The following TMEM163 variants were observed in gnomAD, a reference collection of about 807,000 sequenced individuals.
TMEM163 encodes the protein transmembrane protein 163.
A neutral mutation model predicts 29.3 loss-of-function variants in TMEM163; 17 were observed. The observed-to-expected ratio is 0.58, with a 90% CI of 0.40 to 0.87. TMEM163 has a LOEUF of 0.87. Among genes scored for constraint, TMEM163 ranks in the 40% least tolerant of loss-of-function variants. The pLI is 0.00. For synonymous variants in TMEM163, 157 were observed against 160.6 expected (o/e 0.98, Z 0.17); for missense variants, 303 against 381.5 (o/e 0.79, Z 1.71).
Position 134,460,106 on chromosome 2 carries a change from G to T in TMEM163, c.668-1933C>A, listed in dbSNP as rs1044081816. 1.4e-5 allele frequency among the ~76,000 whole-genome samples: 1 copy of T among 71,844 alleles called. No individual in the cohort carries two copies. The highest frequency in any genetic ancestry group is 2.5e-5 in the Non-Finnish European group (1 of 40,360). 47.1% of individuals were successfully genotyped at this position (71,844 alleles called of 152,430 possible). ...CCCCAAATTCATTCTCACTCTCCCC[G>T]CTGATCCCTGCTCTGTCCTGGCCAC... On this transcript the variant is annotated intron_variant, in intron 6 of 7. Coordinates refer to ENST00000281924, the MANE Select transcript of TMEM163 (RefSeq NM_030923.5). The surrounding 1 kb of genome is among the most constrained non-coding windows in gnomAD (Gnocchi z 4.3).
intron 2 of TMEM163, among the ~76,000 whole-genome samples, chr2:134,707,139 G>A (rs1684832456): frequency 6.6e-6 from 1 of 152,192 alleles, no homozygotes; most frequent in South Asian, 2.1e-4. Flanking sequence ...CTGCACCATT[G>A]CCTGCTTCAG....
chr2:134,499,508 G>A (rs72982258), intron 5 of TMEM163, among the ~76,000 whole-genome samples: 5,155 of 152,294 alleles, frequency 0.034, 166 homozygotes, highest in Middle Eastern at 0.085. Flanking sequence ...CAGTTCCCCA[G>A]AGAGCCAGCT....
chr2:134,551,629 C>T (rs1342196326), intron 3 of TMEM163, among the ~76,000 whole-genome samples: 1 of 152,154 alleles, frequency 6.6e-6, no homozygotes, highest in African/African-American at 2.4e-5. Context: ...ATCAGGAGGC[C>T]AGCTGGGAAG....
intron 4 of TMEM163, among the ~76,000 whole-genome samples, chr2:134,535,912 A>T (rs1483510035): frequency 1.3e-5 from 2 of 151,994 alleles, no homozygotes; most frequent in Non-Finnish European, 1.5e-5. Context: ...TAGTAGAGAC[A>T]GGGTTTCGCC....
intron 2 of TMEM163, among the ~76,000 whole-genome samples, chr2:134,683,821 A>G (rs1037342869): frequency 3.9e-5 from 6 of 151,982 alleles, no homozygotes; most frequent in Non-Finnish European, 8.8e-5. Flanking sequence ...TCATTTCTGC[A>G]ATTCCCTGAA....
intron 2 of TMEM163, among the ~76,000 whole-genome samples, chr2:134,625,875 T>A (rs1345279694): frequency 1.3e-5 from 2 of 152,206 alleles, no homozygotes; most frequent in Non-Finnish European, 2.9e-5. Flanking sequence ...TGTGATACCC[T>A]GTCTCCCCAA....
intron 5 of TMEM163, among the ~76,000 whole-genome samples, chr2:134,487,148 A>G (rs1376190669): frequency 6.6e-6 from 1 of 152,180 alleles, no homozygotes; most frequent in African/African-American, 2.4e-5. Flanking sequence ...GCTAATAAGA[A>G]ACAAAAAAGG....
At chr2:134,522,597 C>T (rs1680211598) in intron 4 of TMEM163, among the ~76,000 whole-genome samples, 2 of 152,224 alleles carry the variant, frequency 1.3e-5, no homozygotes, top group African/African-American at 4.8e-5. Flanking sequence ...TTAGAGGCCA[C>T]AGATCCCATA....
chr2:134,696,418 T>G (rs1023186082), intron 2 of TMEM163, among the ~76,000 whole-genome samples: 2 of 152,202 alleles, frequency 1.3e-5, no homozygotes, highest in African/African-American at 4.8e-5. Context: ...ATTTCAGAGC[T>G]TACCAACTGC....
intron 6 of TMEM163, among the ~76,000 whole-genome samples, chr2:134,465,734 G>A (rs947317487): frequency 9.9e-5 from 15 of 152,148 alleles, no homozygotes; most frequent in Non-Finnish European, 2.1e-4. Flanking sequence ...AAACAAGCAT[G>A]GAGAATTCAC....
At chr2:134,493,002 T>C (rs1679462640) in intron 5 of TMEM163, among the ~76,000 whole-genome samples, 2 of 152,222 alleles carry the variant, frequency 1.3e-5, no homozygotes, top group African/African-American at 4.8e-5. Flanking sequence ...ACACAAATTT[T>C]GGTTTTGGGG....
In TMEM163 at chr2:134,514,914, T is replaced by C. The variant is rs538715242; in HGVS notation, c.459-11917A>G. 2.7e-3 allele frequency among the ~76,000 whole-genome samples: 416 copies of C among 152,266 alleles called. 3 individuals carry two copies. The highest frequency in any genetic ancestry group is 0.017 in the Middle Eastern group (5 of 294). On this transcript the variant is annotated intron_variant, in intron 4 of 7. Coordinates refer to ENST00000281924, the MANE Select transcript of TMEM163 (RefSeq NM_030923.5). Reference sequence around the variant, plus strand: ...GGAGCTATTCCTTCTGCCTAAAACCTGGAATGAGATCTCATGTGGAAAAGG... The same window carrying C: ...GGAGCTATTCCTTCTGCCTAAAACCCGGAATGAGATCTCATGTGGAAAAGG...
rs1319130397 is a variant in TMEM163, at chr2:134,650,004, T to TAAA, written c.322+63193_322+63195dup. On this transcript the variant is annotated intron_variant, in intron 2 of 7. Transcript: ENST00000281924. ...TGGGCAACAGAGTGAGACCCTGTCT[T>TAAA]AAAAAAAAAAAAAAAAAAAAAGAAT... 5.2e-3 allele frequency among the ~76,000 whole-genome samples: 505 copies of TAAA among 97,532 alleles called. 5 individuals carry two copies. The highest frequency in any genetic ancestry group is 0.032 in the South Asian group (90 of 2,812). 64.0% of individuals were successfully genotyped at this position (97,532 alleles called of 152,430 possible). A position where few individuals can be genotyped will look rare whatever the true frequency, so the allele number is the denominator to read the frequency against.
chr2:134,458,843 T>C (rs1558908969), intron 6 of TMEM163: 1 of 152,218 alleles, frequency 6.6e-6, no homozygotes. Context: ...GCTAAGTTTT[T>C]TGCAAAGTAT....
chr2:134,634,847 T>G (rs1683069433), intron 2 of TMEM163, among the ~76,000 whole-genome samples: 1 of 152,272 alleles, frequency 6.6e-6, no homozygotes, highest in Admixed American at 6.5e-5. Context: ...TGCTAACCTC[T>G]GCAATAAAAG....
In TMEM163 at chr2:134,665,032, C is replaced by T. The variant is rs1335615290; in HGVS notation, c.322+48168G>A. ...GGGACTACAGGAGTGCACCACCATG[C>T]CCAGCCTAAATTGGTGTTTTAAGCC... On this transcript the variant is annotated intron_variant, in intron 2 of 7. Transcript: ENST00000281924. Among the ~76,000 whole-genome samples the T allele has an allele frequency of 2.6e-5, 4 of 152,070 alleles. No individual in the cohort carries two copies. The East Asian group carries it at 7.7e-4, about 29-fold the overall frequency.
intron 2 of TMEM163, among the ~76,000 whole-genome samples, chr2:134,663,929 G>A (rs1032057577): frequency 7.2e-5 from 11 of 152,202 alleles, no homozygotes; most frequent in East Asian, 1.9e-4. Context: ...TCTGGCAGGT[G>A]AGCACCCAAC....
intron 2 of TMEM163, among the ~76,000 whole-genome samples, chr2:134,678,300 G>A (rs1684158333): frequency 6.6e-6 from 1 of 152,192 alleles, no homozygotes; most frequent in African/African-American, 2.4e-5. Context: ...GTAAATCCAG[G>A]CAGATGGCTG....
intron 2 of TMEM163, among the ~76,000 whole-genome samples, chr2:134,694,098 C>T (rs955511374): frequency 2.0e-5 from 3 of 152,168 alleles, no homozygotes; most frequent in African/African-American, 7.2e-5. Context: ...AATGTTACCT[C>T]AGGGCAATGT....
Sources: gnomAD v4.1 joint callset for allele counts (sites outside exome capture counted in the v4.1 genomes callset) on GRCh38, gnomAD v4.1.1 for gene constraint, Gnocchi (gnomAD v3.1) non-coding constraint, MANE v1.5 for transcripts, NCBI Gene and HGNC (gene_info 2026-07-23, HGNC 2026-07-21) for gene names.